The following ADAMTS5 variants were observed in gnomAD, a reference collection of about 807,000 sequenced individuals.
The protein encoded by ADAMTS5 is A disintegrin and metalloproteinase with thrombospondin motifs 5.
Under a neutral mutation model 81.4 loss-of-function variants are expected in ADAMTS5, and 54 were observed. The ratio of observed to expected loss-of-function variants is 0.66; its 90% CI spans 0.53 to 0.83. The LOEUF is 0.83. Ranked by LOEUF, ADAMTS5 falls within the 40% of genes least tolerant of loss-of-function variation. ADAMTS5 has a pLI of 0.00. For missense variants in ADAMTS5, 1,194 were observed against 1,229.9 expected, an observed-to-expected ratio of 0.97 and a Z score of 0.44; for synonymous variants, 532 against 508.8, an observed-to-expected ratio of 1.05 and a Z score of -0.61.
chr21:26,966,145 C>T lies in ADAMTS5; in HGVS notation c.247G>A (p.Gly83Ser), dbSNP rs201223638. The change falls in exon 1 of 8, where the codon GGC (glycine) becomes AGC (serine). Residue 83 changes from glycine to serine, a missense_variant. Physicochemically the swap from Gly to Ser is moderately conservative, Grantham distance 56 (BLOSUM62 0). Around this residue, in one of 2 missense-constraint regions of ADAMTS5, gnomAD observed 498 missense variants for 412.3 expected, o/e 1.21. Transcript: ENST00000284987. ...ACGAGGTAGCCCACCTTGCCGCCGC[C>T]GGAGTAGAGTTGGTCGATGTTCTGC... Reference protein sequence around the residue: ...LVQNIDQLYSGGGKVGYLVYA... With the variant: ...LVQNIDQLYSSGGKVGYLVYA... 1 of 1,611,804 alleles carries T rather than the reference C, an allele frequency of 6.2e-7. No individual in the cohort carries two copies. The highest frequency in any genetic ancestry group is 8.5e-7 in the Non-Finnish European group (1 of 1,179,394).
intron 2 of ADAMTS5, among the ~76,000 whole-genome samples, chr21:26,949,815 G>A (rs980854566): frequency 4.6e-5 from 7 of 152,140 alleles, no homozygotes; most frequent in East Asian, 1.9e-4. Flanking sequence ...ATGGGTTTGC[G>A]GGAAAATATC....
At chr21:26,944,153 T>C (rs1043238985) in intron 2 of ADAMTS5, among the ~76,000 whole-genome samples, 1 of 152,224 alleles carries the variant, frequency 6.6e-6, no homozygotes, top group Non-Finnish European at 1.5e-5. Context: ...TAAGCTTGCT[T>C]CATCCGTTCA....
Position 26,924,535 on chromosome 21 carries a change from A to G in ADAMTS5, c.2311T>C (p.Phe771Leu). ...RQFKAKDQTR[F>L]TAYLALKKKN... ...TTTTTCAGGGCTAAATAGGCAGTGAATCTAGTCTGGTCTTTGGCTTTGAAC... is the reference window on the plus strand; with the variant it reads ...TTTTTCAGGGCTAAATAGGCAGTGAGTCTAGTCTGGTCTTTGGCTTTGAAC... The change falls in exon 8 of 8, where the codon TTC (phenylalanine) becomes CTC (leucine). Residue 771 changes from phenylalanine (F) to leucine (L), a missense_variant. Coordinates refer to ENST00000284987, the MANE Select transcript of ADAMTS5 (RefSeq NM_007038.5). 6.2e-7 allele frequency: 1 copy of G among 1,614,168 alleles called. No homozygotes were observed. The highest frequency in any genetic ancestry group is 8.5e-7 in the Non-Finnish European group (1 of 1,180,032).
intron 3 of ADAMTS5, among the ~76,000 whole-genome samples, chr21:26,938,653 C>T (rs1987060312): frequency 6.6e-6 from 1 of 152,194 alleles, no homozygotes; most frequent in Non-Finnish European, 1.5e-5. Context: ...CCTCAGCCTC[C>T]TGAGTAGCTG....
chr21:26,935,810 G>A (rs1987003655), intron 3 of ADAMTS5, among the ~76,000 whole-genome samples: 1 of 152,048 alleles, frequency 6.6e-6, no homozygotes, highest in Non-Finnish European at 1.5e-5. Context: ...ACCCACATAT[G>A]CATGCATATT....
chr21:26,924,008 G>C lies in ADAMTS5; in HGVS notation c.*45C>G. The C allele has an allele frequency of 1.3e-6, 2 of 1,539,912 alleles. No homozygotes were observed. Among genetic ancestry groups the C allele is most frequent in the South Asian group, 2.5e-5 (2 of 80,994 alleles). On this transcript the variant is annotated 3_prime_UTR_variant, in exon 8 of 8. Coordinates refer to ENST00000284987, the MANE Select transcript of ADAMTS5 (RefSeq NM_007038.5). The stretch of plus-strand genomic sequence containing the variant: ...TCCTGTTCACCACGACTGCATCAGT[G>C]CTGAATCCTCCAGTTATCTTTGTGC...
intron 3 of ADAMTS5, among the ~76,000 whole-genome samples, chr21:26,941,914 A>C (rs1987121740): frequency 6.6e-6 from 1 of 152,112 alleles, no homozygotes; most frequent in Non-Finnish European, 1.5e-5. Flanking sequence ...CCACAATGTA[A>C]ACTGAGCTAA....
At chr21:26,960,017 C>G (rs1004440717) in intron 1 of ADAMTS5, among the ~76,000 whole-genome samples, 2 of 152,186 alleles carry the variant, frequency 1.3e-5, no homozygotes, top group African/African-American at 4.8e-5. Flanking sequence ...CTGTCTGCCT[C>G]CACTGTACCT....
chr21:26,945,509 T>C (rs1482974698), intron 2 of ADAMTS5, among the ~76,000 whole-genome samples: 1 of 152,220 alleles, frequency 6.6e-6, no homozygotes. Context: ...TATGCCTTTT[T>C]ATTATTGTAT....
chr21:26,933,286 G>C (rs1170701410), intron 4 of ADAMTS5, among the ~76,000 whole-genome samples: 1 of 152,090 alleles, frequency 6.6e-6, no homozygotes, highest in Non-Finnish European at 1.5e-5. Context: ...CCTAAGTACT[G>C]AGCACACCAC....
At chr21:26,942,077 T>G (rs1568845107) in intron 3 of ADAMTS5, among the ~76,000 whole-genome samples, 1 of 152,100 alleles carries the variant, frequency 6.6e-6, no homozygotes, top group Non-Finnish European at 1.5e-5. Context: ...CAAGCTGGAC[T>G]CAGATTGCTT....
At chr21:26,955,725 C>A (rs1987413665) in intron 1 of ADAMTS5, among the ~76,000 whole-genome samples, 1 of 152,118 alleles carries the variant, frequency 6.6e-6, no homozygotes, top group Non-Finnish European at 1.5e-5. Context: ...TAATGATAAA[C>A]TTTCCCTTTA....
intron 2 of ADAMTS5, among the ~76,000 whole-genome samples, chr21:26,947,062 G>C (rs531441614): frequency 4.5e-4 from 68 of 152,338 alleles, no homozygotes; most frequent in Middle Eastern, 6.8e-3. Context: ...CAGAGGTAGT[G>C]AAGTCTTGCT....
intron 3 of ADAMTS5, among the ~76,000 whole-genome samples, chr21:26,936,971 C>CA (rs1276158532): frequency 6.6e-6 from 1 of 152,130 alleles, no homozygotes; most frequent in African/African-American, 2.4e-5. Flanking sequence ...TCCAGTTCTT[C>CA]AAAAGTGCTG....
rs1986748007 is a variant in ADAMTS5 at position 26,923,870 on chromosome 21, G to A, written c.*183C>T. 3 of 591,836 alleles carry A rather than the reference G, an allele frequency of 5.1e-6. No individual in the cohort carries two copies. The highest frequency in any genetic ancestry group is 8.5e-6 in the Non-Finnish European group (3 of 352,224). The allele number at this position is 591,836 out of a possible 1,614,324, so 36.7% of individuals were successfully genotyped here. A position where few individuals can be genotyped will look rare whatever the true frequency, so the allele number is the denominator to read the frequency against. ...TTTTCTATATTGCAAGGTCACCACT[G>A]TCACGTGAAGCAGTGCACATCCTCT... is the stretch of plus-strand genomic sequence containing the variant. On this transcript the variant is annotated 3_prime_UTR_variant, in exon 8 of 8. Transcript: ENST00000284987.
intron 3 of ADAMTS5, among the ~76,000 whole-genome samples, chr21:26,940,026 G>T (rs923260119): frequency 1.3e-5 from 2 of 152,142 alleles, no homozygotes; most frequent in Non-Finnish European, 2.9e-5. Flanking sequence ...CATATTTCTT[G>T]TTGGAACTAA....
rs187877147 is a variant in ADAMTS5 at position 26,950,307 on chromosome 21, T to C, written c.1237+4432A>G. ...AAAATTATTGTTTTTAAGGACCATA[T>C]GTGCAGCAGGTGAAATCTTTATTAT... On this transcript the variant is annotated intron_variant, in intron 2 of 7. Transcript: ENST00000284987. 6.6e-3 allele frequency among the ~76,000 whole-genome samples: 1,009 copies of C among 152,326 alleles called. 11 individuals are homozygous for C. Among genetic ancestry groups the C allele is most frequent in the South Asian group, 0.038 (181 of 4,822 alleles).
intron 7 of ADAMTS5, among the ~76,000 whole-genome samples, chr21:26,926,281 A>T (rs1472646569): frequency 6.6e-6 from 1 of 152,222 alleles, no homozygotes; most frequent in Admixed American, 6.5e-5. Flanking sequence ...AGTTGGAGAT[A>T]AATATAACAT....
At position 26,966,492 on chromosome 21, in the gene ADAMTS5, T is replaced by G; in HGVS notation, c.-101A>C. 3.3e-6 allele frequency: 4 copies of G among 1,205,492 alleles called. No homozygotes were observed. The highest frequency in any genetic ancestry group is 4.0e-5 in the Admixed American group (1 of 25,198). 74.7% of individuals were successfully genotyped at this position (1,205,492 alleles called of 1,614,324 possible). ...GCGGGGGATGGGGACACACACACAC[T>G]TGCTTGCAGGATTGAGTCAAGTGTC... On this transcript the variant is annotated 5_prime_UTR_variant, in exon 1 of 8. Transcript: ENST00000284987.
Sources: gnomAD v4.1 joint callset for allele counts (sites outside exome capture counted in the v4.1 genomes callset) on GRCh38, gnomAD v4.1.1 for gene constraint, gnomAD v4.1.1 regional missense constraint, MANE v1.5 for transcripts, NCBI Gene and HGNC (gene_info 2026-07-23, HGNC 2026-07-21) for gene names.